PCCA: variants seen among roughly 807,000 people sequenced by gnomAD.
PCCA encodes the protein propionyl-CoA carboxylase subunit alpha, also known as propionyl-CoA carboxylase alpha chain, mitochondrial.
In PCCA, 74 loss-of-function variants were observed where a neutral mutation model predicts 101.3. The ratio of observed to expected loss-of-function variants is 0.73; its 90% CI spans 0.61 to 0.89. The LOEUF (loss-of-function observed/expected upper bound fraction) is 0.89. Ranked by LOEUF, PCCA falls within the 40% of genes least tolerant of loss-of-function variation. The pLI, the probability that PCCA is intolerant of heterozygous loss-of-function variation, is 0.00. For missense variants in PCCA, 891 were observed against 907.0 expected, an observed-to-expected ratio of 0.98 and a Z score of 0.23; for synonymous variants, 294 against 313.6, an observed-to-expected ratio of 0.94 and a Z score of 0.66.
At chr13:100,492,897 G>A (rs979332252) in intron 21 of PCCA, among the ~76,000 whole-genome samples, 8 of 151,584 alleles carry the variant, frequency 5.3e-5, no homozygotes, top group Admixed American at 3.9e-4. Flanking sequence ...TTCCAGCTCC[G>A]CATCTCTCAC....
At chr13:100,256,908 C>G (rs944361606) in intron 8 of PCCA, among the ~76,000 whole-genome samples, 1 of 152,156 alleles carries the variant, frequency 6.6e-6, no homozygotes, top group African/African-American at 2.4e-5. Context: ...AATACTTAAT[C>G]ATGTAACTGA....
Position 100,466,941 on chromosome 13 carries a change from A to T in PCCA, c.1899+17636A>T, listed in dbSNP as rs139542523. Among the ~76,000 whole-genome samples, 296 of 152,302 alleles carry T rather than the reference A, an allele frequency of 1.9e-3. 4 individuals are homozygous for T. Among genetic ancestry groups the T allele is most frequent in the African/African-American group, 6.7e-3 (279 of 41,564 alleles). On this transcript the variant is annotated intron_variant, in intron 21 of 23. Coordinates refer to ENST00000376285, the MANE Select transcript of PCCA (RefSeq NM_000282.4). ...GATTGTACCACTCCTTTCCTGTCTC[A>T]GCCACTTTTTGAGTGACTGTAAAGT...
intron 20 of PCCA, among the ~76,000 whole-genome samples, chr13:100,431,914 G>T (rs117036499): frequency 0.058 from 8,694 of 148,934 alleles, 352 homozygotes; most frequent in Middle Eastern, 0.14. Context: ...ACCAGGCCGG[G>T]TGTGGTGGCT....
At chr13:100,166,590 T>G (rs1448968833) in intron 6 of PCCA, among the ~76,000 whole-genome samples, 1 of 152,156 alleles carries the variant, frequency 6.6e-6, no homozygotes, top group African/African-American at 2.4e-5. Context: ...TGAGCCACCG[T>G]GCCTAGCCTG....
At chr13:100,124,493 AG>A (rs1245908715) in intron 4 of PCCA, among the ~76,000 whole-genome samples, 1 of 152,124 alleles carries the variant, frequency 6.6e-6, no homozygotes, top group African/African-American at 2.4e-5. Context: ...TTCTATAATG[AG>A]ATTGAGTGGG....
In PCCA at chr13:100,420,509, G is replaced by A. The variant is rs187971458; in HGVS notation, c.1747-5124G>A. ...GTGGGAGGATTACTTGAGCCTGGGA[G>A]GTCAAGGCTCAGTGAGCCATGATCA... On this transcript the variant is annotated intron_variant, in intron 19 of 23. Coordinates refer to ENST00000376285, the MANE Select transcript of PCCA (RefSeq NM_000282.4). Among the ~76,000 whole-genome samples the A allele has an allele frequency of 3.3e-5, 5 of 152,252 alleles. No homozygotes were observed. In the South Asian group the frequency reaches 6.2e-4, roughly 19 times the overall value.
intron 16 of PCCA, among the ~76,000 whole-genome samples, chr13:100,311,006 C>T (rs757321586): frequency 2.2e-4 from 34 of 151,628 alleles, no homozygotes; most frequent in Non-Finnish European, 4.7e-4. Context: ...GAGGCTGAGG[C>T]GGGTGGATTG....
At chr13:100,131,928 G>A (rs1226763275) in intron 4 of PCCA, among the ~76,000 whole-genome samples, 1 of 152,138 alleles carries the variant, frequency 6.6e-6, no homozygotes, top group Non-Finnish European at 1.5e-5. Context: ...GGAACAGGAG[G>A]ATCTGAACCA....
intron 6 of PCCA, among the ~76,000 whole-genome samples, chr13:100,185,130 G>GA (rs1374121430): frequency 1.3e-5 from 2 of 152,142 alleles, no homozygotes; most frequent in Non-Finnish European, 2.9e-5. Flanking sequence ...CCCTTCAAAT[G>GA]ATGCTCCTTC....
chr13:100,147,872 A>C (rs1327395340), intron 4 of PCCA, among the ~76,000 whole-genome samples: 1 of 152,056 alleles, frequency 6.6e-6, no homozygotes, highest in Non-Finnish European at 1.5e-5. Flanking sequence ...GGATCTATAT[A>C]GTTTTTTTTG....
At chr13:100,111,701 A>G in intron 2 of PCCA, 140 bp from the exon 3 acceptor site, 1 of 641,082 alleles carries the variant, frequency 1.6e-6, no homozygotes, top group Non-Finnish European at 2.8e-6. Flanking sequence ...TAAGTAATAT[A>G]GTATTTAATG....
At chr13:100,369,296 T>A (rs1009391230) in intron 19 of PCCA, among the ~76,000 whole-genome samples, 9 of 152,242 alleles carry the variant, frequency 5.9e-5, no homozygotes, top group Non-Finnish European at 1.3e-4. Flanking sequence ...TTCTTACGGC[T>A]AAATTGCATT....
intron 20 of PCCA, among the ~76,000 whole-genome samples, chr13:100,439,068 C>T (rs1376817278): frequency 6.6e-6 from 1 of 152,148 alleles, no homozygotes; most frequent in Non-Finnish European, 1.5e-5. Context: ...TCCTCAGTCA[C>T]ACCAGTCATA....
intron 21 of PCCA, among the ~76,000 whole-genome samples, chr13:100,467,719 A>C (rs1332224982): frequency 2.0e-5 from 3 of 151,728 alleles, no homozygotes; most frequent in Non-Finnish European, 4.4e-5. Context: ...TCCAAGCTCC[A>C]CTCCTAGTTC....
intron 10 of PCCA, 138 bp downstream of exon 10, chr13:100,262,969 G>A: frequency 1.7e-6 from 1 of 581,622 alleles, no homozygotes. Flanking sequence ...TAAAGTGCTA[G>A]GATGTTGGTT....
intron 20 of PCCA, among the ~76,000 whole-genome samples, chr13:100,446,236 G>A (rs906050245): frequency 1.1e-4 from 17 of 152,018 alleles, no homozygotes; most frequent in African/African-American, 4.1e-4. Flanking sequence ...CACCGTGTTG[G>A]GCAGGCTGGT....
intron 4 of PCCA, among the ~76,000 whole-genome samples, chr13:100,144,293 C>G (rs897989572): frequency 3.3e-5 from 5 of 152,098 alleles, no homozygotes; most frequent in African/African-American, 1.2e-4. Context: ...AAGAGCTGTC[C>G]TGTCTTTTGG....
intron 12 of PCCA, among the ~76,000 whole-genome samples, chr13:100,295,184 C>T (rs1378795156): frequency 6.6e-6 from 1 of 152,094 alleles, no homozygotes; most frequent in Non-Finnish European, 1.5e-5. Flanking sequence ...GATTCTGTTC[C>T]GTGAACAGAA....
chr13:100,281,399 G>A (rs918354803), intron 12 of PCCA, among the ~76,000 whole-genome samples: 1 of 152,174 alleles, frequency 6.6e-6, no homozygotes, highest in Non-Finnish European at 1.5e-5. Context: ...GTGTGTATAA[G>A]ACATGAATAG....
Sources: allele counts gnomAD v4.1 joint callset (sites outside exome capture counted in the v4.1 genomes callset), GRCh38; gene constraint gnomAD v4.1.1; transcripts MANE v1.5; gene names NCBI Gene and HGNC (gene_info 2026-07-23, HGNC 2026-07-21).